NAAA: variants seen among roughly 807,000 people sequenced by gnomAD.
NAAA encodes N-acylethanolamine acid amidase, also known as N-acylethanolamine-hydrolyzing acid amidase.
NAAA carries 39 observed loss-of-function variants against 44.8 expected under a neutral mutation model. The observed-to-expected ratio is 0.87, with a 90% CI of 0.67 to 1.14. The LOEUF is 1.14. Among genes scored for constraint, NAAA ranks in the 50% most tolerant of loss-of-function variants. The pLI, the probability that NAAA is intolerant of heterozygous loss-of-function variation, is 0.00. For missense variants in NAAA, 460 were observed against 467.8 expected (o/e 0.98, Z 0.15); for synonymous variants, 178 against 191.3 (o/e 0.93, Z 0.58).
rs372230034 is a variant in NAAA at position 75,921,112 on chromosome 4, C to T, written c.678G>A (p.Glu226=). The part of the protein sequence containing the change: ...VSWLIRATLS[E]SENFEAAVGK... ...CAACAGCTGCTTCGAAGTTTTCCGA[C>T]TCACTCAGGGTCTGAACGAAAGGAT... Residue 226 remains glutamate (E), a synonymous_variant, in exon 6 of 11, where the codon GAG becomes GAA. Coordinates refer to ENST00000286733, the MANE Select transcript of NAAA (RefSeq NM_014435.4). 1.3e-6 allele frequency: 2 copies of T among 1,582,432 alleles called. No homozygotes were observed. Among genetic ancestry groups the T allele is most frequent in the Non-Finnish European group, 1.7e-6 (2 of 1,169,654 alleles).
chr4:75,940,841 T>A lies in NAAA; in HGVS notation c.109A>T (p.Asn37Tyr), dbSNP rs767841141. Residue 37 changes from asparagine (N) to tyrosine (Y), a missense_variant, in exon 1 of 11, where the codon AAC (asparagine) becomes TAC (tyrosine). Physicochemically the swap from Asn to Tyr is moderately radical, Grantham distance 143. Transcript: ENST00000286733. ...AASPPAAPRF[N>Y]VSLDSVPELR... The stretch of plus-strand genomic sequence containing the variant: ...TCGGGGACCGAGTCCAGGCTCACGT[T>A]GAAGCGCGGCGCTGCTGGGGGCGAG... The A allele has an allele frequency of 6.3e-7, 1 of 1,590,566 alleles. No individual in the cohort carries two copies. Among genetic ancestry groups the A allele is most frequent in the Non-Finnish European group, 8.5e-7 (1 of 1,176,224 alleles).
intron 5 of NAAA, among the ~76,000 whole-genome samples, chr4:75,924,253 C>A (rs1726449762): frequency 6.6e-6 from 1 of 152,212 alleles, no homozygotes; most frequent in Non-Finnish European, 1.5e-5. Flanking sequence ...CTTACAGCTT[C>A]TTTTTGTCAT....
At chr4:75,917,257 A>G in intron 9 of NAAA, 1 of 197,736 alleles carries the variant, frequency 5.1e-6, no homozygotes, top group Non-Finnish European at 9.1e-6. Context: ...ATTATTAAAT[A>G]TGCAGGAAGT....
At chr4:75,913,645 G>A, downstream of NAAA, 2 of 972,620 alleles carry the variant, frequency 2.1e-6, no homozygotes, top group Non-Finnish European at 2.4e-6. Context: ...AAAGCAGGGA[G>A]AGCATAACGC....
intron 7 of NAAA, 61 bp from the exon 8 acceptor site, chr4:75,920,036 G>T (rs1396535804): frequency 1.4e-6 from 2 of 1,452,034 alleles, no homozygotes; most frequent in Non-Finnish European, 1.9e-6. Context: ...CCCATCAGCT[G>T]TCATTTTTGG....
intron 3 of NAAA, among the ~76,000 whole-genome samples, chr4:75,934,606 C>A (rs930020929): frequency 2.0e-5 from 3 of 151,674 alleles, no homozygotes; most frequent in Non-Finnish European, 4.4e-5. Context: ...GGATTACAGG[C>A]GTGAGCCACC....
chr4:75,920,684 T>C lies in NAAA; in HGVS notation c.902+54A>G, dbSNP rs934182154. The C allele has an allele frequency of 2.6e-5, 42 of 1,603,004 alleles. No homozygotes were observed. In the East Asian group the frequency reaches 8.7e-4, roughly 33 times the overall value. ...GCCAGTTCCTGTGACAGAATGGGCA[T>C]ATTCTCCTGACCATAAGAAAACACT... is the stretch of plus-strand genomic sequence containing the variant. On this transcript the variant is annotated intron_variant, in intron 7 of 10. Coordinates refer to ENST00000286733, the MANE Select transcript of NAAA (RefSeq NM_014435.4).
At chr4:75,933,132 CA>C (rs59490735) in intron 3 of NAAA, among the ~76,000 whole-genome samples, 281 of 123,016 alleles carry the variant, frequency 2.3e-3, no homozygotes, top group East Asian at 0.011. Flanking sequence ...GACTCTGTCT[CA>C]AAAAAAAAAA....
At chr4:75,928,961 GT>G (rs556368814) in intron 4 of NAAA, among the ~76,000 whole-genome samples, 81 of 143,474 alleles carry the variant, frequency 5.6e-4, no homozygotes, top group South Asian at 4.6e-3. Context: ...CTAAATTTGT[GT>G]TTTTTTTTTT....
rs978653687 is a variant in NAAA at position 75,940,995 on chromosome 4, C to CGGA, written c.-49_-47dup. 6.7e-5 allele frequency: 96 copies of CGGA among 1,430,560 alleles called. No individual in the cohort carries two copies. In the Middle Eastern group the frequency reaches 7.6e-4, roughly 11 times the overall value. 88.6% of individuals were successfully genotyped at this position (1,430,560 alleles called of 1,614,324 possible). On this transcript the variant is annotated 5_prime_UTR_variant, in exon 1 of 11. Coordinates refer to ENST00000286733, the MANE Select transcript of NAAA (RefSeq NM_014435.4). ...CAACTTGGAGACCTGCAGCCGCTGTCGGAGCCCGGGTAAGCCGTGGAGGAG... is the reference window on the plus strand; with the variant it reads ...CAACTTGGAGACCTGCAGCCGCTGTCGGAGGAGCCCGGGTAAGCCGTGGAGGAG...
intron 9 of NAAA, chr4:75,917,746 G>A (rs1424365620): frequency 1.3e-4 from 53 of 400,114 alleles, no homozygotes; most frequent in Non-Finnish European, 2.3e-4. Flanking sequence ...GATTACAGGC[G>A]TGAGCCACCG....
chr4:75,940,340 G>C (rs916660410), intron 1 of NAAA, 175 bp from the exon 2 acceptor site: 6 of 655,668 alleles, frequency 9.2e-6, no homozygotes, highest in Non-Finnish European at 1.5e-5. Flanking sequence ...CCGGGAGTGG[G>C]GGGAAGGGGG....
At chr4:75,931,178 T>G in intron 4 of NAAA, 36 bp downstream of exon 4, 1 of 1,538,320 alleles carries the variant, frequency 6.5e-7, no homozygotes, top group Non-Finnish European at 9.0e-7. Context: ...TGAACAATAA[T>G]GTAGCTAAAA....
At chr4:75,929,084 G>T (rs563567817) in intron 4 of NAAA, among the ~76,000 whole-genome samples, 55 of 151,928 alleles carry the variant, frequency 3.6e-4, no homozygotes, top group Non-Finnish European at 6.9e-4. Flanking sequence ...GATCCACCGC[G>T]CCCGGCCCAT....
At chr4:75,939,472 G>A (rs1728031429) in intron 2 of NAAA, among the ~76,000 whole-genome samples, 1 of 148,512 alleles carries the variant, frequency 6.7e-6, no homozygotes, top group African/African-American at 2.5e-5. Context: ...CTGGTGTGCA[G>A]TGGCGCGATC....
intron 3 of NAAA, chr4:75,935,445 A>G (rs938973556): frequency 6.6e-6 from 1 of 152,290 alleles, no homozygotes; most frequent in African/African-American, 2.4e-5. Context: ...AGCACACACT[A>G]GATTATAGTT....
At chr4:75,910,917 G>C (rs1299069279), downstream of NAAA, among the ~76,000 whole-genome samples, 1 of 152,208 alleles carries the variant, frequency 6.6e-6, no homozygotes, top group East Asian at 1.9e-4. Flanking sequence ...GTCAGCAAAG[G>C]GTGGTAGGAT....
chr4:75,920,644 G>C, intron 7 of NAAA, 94 bp downstream of exon 7: 1 of 1,455,006 alleles, frequency 6.9e-7, no homozygotes, highest in Non-Finnish European at 9.6e-7. Flanking sequence ...GGAGAGGATA[G>C]CACCCATAGG....
Position 75,918,771 on chromosome 4 carries a change from C to T in NAAA, c.988G>A (p.Val330Ile). 6.2e-7 allele frequency: 1 copy of T among 1,613,294 alleles called. No homozygotes were observed. Among genetic ancestry groups the T allele is most frequent in the Non-Finnish European group, 8.5e-7 (1 of 1,179,384 alleles). ...TAACAAGCCACTTACTTGTTATAAA[C>T]TGGAACCACCGACAAAATCTGCATA... Reference protein sequence around the residue: ...ALFQILSVVPVYNNFTIYTTV... With the variant: ...ALFQILSVVPIYNNFTIYTTV... Residue 330 changes from valine to isoleucine, a missense_variant, in exon 9 of 11, where the codon GTT becomes ATT. Coordinates refer to ENST00000286733, the MANE Select transcript of NAAA (RefSeq NM_014435.4).
Sources: gnomAD v4.1 joint callset for allele counts (sites outside exome capture counted in the v4.1 genomes callset) on GRCh38, gnomAD v4.1.1 for gene constraint, MANE v1.5 for transcripts, NCBI Gene and HGNC (gene_info 2026-07-23, HGNC 2026-07-21) for gene names.